C16orf74: variants seen among roughly 807,000 people sequenced by gnomAD.
C16orf74 encodes the protein calcimembrin.
A neutral mutation model predicts 6.5 loss-of-function variants in C16orf74; 10 were observed. The ratio of observed to expected loss-of-function variants is 1.54; its 90% CI spans 0.95 to 2.61. The LOEUF is 2.61. Among genes scored for constraint, C16orf74 ranks in the 30% most tolerant of loss-of-function variants. The pLI is 0.00. For missense variants in C16orf74, 141 were observed against 105.9 expected (o/e 1.33, Z -1.45); for synonymous variants, 60 against 42.5 (o/e 1.41, Z -1.60).
At chr16:85,736,340 C>T (rs747423690) in intron 1 of C16orf74, among the ~76,000 whole-genome samples, 13 of 152,084 alleles carry the variant, frequency 8.5e-5, no homozygotes, top group African/African-American at 2.4e-4. Context: ...ATCAGCAACC[C>T]GGAGGCTGGG....
intron 2 of C16orf74, among the ~76,000 whole-genome samples, chr16:85,711,012 T>C (rs1465306945): frequency 2.0e-5 from 3 of 151,884 alleles, no homozygotes; most frequent in Admixed American, 6.6e-5. Context: ...TAAGTAGGAG[T>C]GCTTTAAATT....
intron 2 of C16orf74, among the ~76,000 whole-genome samples, chr16:85,734,175 G>A (rs2054219841): frequency 6.6e-6 from 1 of 152,198 alleles, no homozygotes; most frequent in South Asian, 2.1e-4. Context: ...ATGGGCTACA[G>A]AGCCTGGTGA....
intron 3 of C16orf74, among the ~76,000 whole-genome samples, chr16:85,708,368 G>A (rs1009611191): frequency 6.6e-6 from 1 of 152,206 alleles, no homozygotes; most frequent in African/African-American, 2.4e-5. Flanking sequence ...AAGGTGGTAT[G>A]ATCCCATTTT....
chr16:85,721,876 G>A (rs1051118308), intron 2 of C16orf74, among the ~76,000 whole-genome samples: 1 of 151,494 alleles, frequency 6.6e-6, no homozygotes, highest in East Asian at 1.9e-4. Context: ...TGTGTGGTCT[G>A]AACAAGTTTC....
intron 2 of C16orf74, among the ~76,000 whole-genome samples, chr16:85,715,474 G>T (rs1186594495): frequency 1.1e-4 from 16 of 152,152 alleles, no homozygotes; most frequent in Admixed American, 1.0e-3. Context: ...ACTGGAATCT[G>T]GCTGACCCCA....
intron 3 of C16orf74, among the ~76,000 whole-genome samples, chr16:85,709,470 G>A (rs979324573): frequency 6.6e-6 from 1 of 151,150 alleles, no homozygotes; most frequent in Non-Finnish European, 1.5e-5. Context: ...TCAGTACAGT[G>A]CTACCTATCA....
intron 1 of C16orf74, chr16:85,743,328 C>T (rs1237992434): frequency 1.3e-5 from 2 of 152,202 alleles, no homozygotes; most frequent in African/African-American, 4.8e-5. Flanking sequence ...GATAGATATC[C>T]AGCTGTTTTC....
chr16:85,750,052 C>G (rs184404120), intron 1 of C16orf74, among the ~76,000 whole-genome samples: 38 of 152,308 alleles, frequency 2.5e-4, no homozygotes, highest in African/African-American at 8.7e-4. Flanking sequence ...TGGGTGGGGT[C>G]TAGGCAGGAA....
At chr16:85,709,413 T>A (rs999803667) in intron 3 of C16orf74, among the ~76,000 whole-genome samples, 1 of 152,082 alleles carries the variant, frequency 6.6e-6, no homozygotes, top group African/African-American at 2.4e-5. Context: ...AACTCTGAAC[T>A]CTGAGAATTC....
chr16:85,730,165 A>G (rs1347862041), intron 2 of C16orf74, among the ~76,000 whole-genome samples: 1 of 152,104 alleles, frequency 6.6e-6, no homozygotes, highest in Admixed American at 6.6e-5. Context: ...GGGTGAGATG[A>G]AGCCCGCAGG....
At chr16:85,744,478 A>G (rs577748184) in intron 1 of C16orf74, among the ~76,000 whole-genome samples, 8 of 152,024 alleles carry the variant, frequency 5.3e-5, no homozygotes, top group Non-Finnish European at 7.4e-5. Flanking sequence ...CAGATTGTTA[A>G]TTATTTGCAC....
intron 2 of C16orf74, among the ~76,000 whole-genome samples, chr16:85,712,766 T>G (rs1460471701): frequency 6.6e-6 from 1 of 152,210 alleles, no homozygotes; most frequent in Admixed American, 6.5e-5. Flanking sequence ...AATTTAATCT[T>G]GCCTAAAAAG....
intron 2 of C16orf74, among the ~76,000 whole-genome samples, chr16:85,722,920 A>G (rs1040368066): frequency 3.3e-5 from 5 of 152,336 alleles, no homozygotes; most frequent in East Asian, 1.9e-4. Flanking sequence ...TATCCCGCCC[A>G]GCTCATCCTG....
chr16:85,735,263 G>T, intron 1 of C16orf74, 28 bp from the exon 2 acceptor site: 3 of 1,534,474 alleles, frequency 2.0e-6, no homozygotes, highest in Non-Finnish European at 2.6e-6. Context: ...CGCTGAGAGA[G>T]GGGAGGGCGC....
At chr16:85,718,992 A>C (rs1242739579) in intron 2 of C16orf74, among the ~76,000 whole-genome samples, 1 of 152,164 alleles carries the variant, frequency 6.6e-6, no homozygotes, top group South Asian at 2.1e-4. Context: ...TTGGGGCACA[A>C]TTTTCCCTTA....
At chr16:85,728,080 G>C (rs147716047) in intron 2 of C16orf74, among the ~76,000 whole-genome samples, 17 of 152,178 alleles carry the variant, frequency 1.1e-4, no homozygotes, top group Admixed American at 2.0e-4. Flanking sequence ...CAAGGCTGCA[G>C]TGACTTGTGA....
chr16:85,743,069 G>A (rs763900937), intron 1 of C16orf74, among the ~76,000 whole-genome samples: 1 of 152,166 alleles, frequency 6.6e-6, no homozygotes, highest in East Asian at 1.9e-4. Flanking sequence ...GGCCTGTTGT[G>A]TTGGGGGTGA....
At chr16:85,710,428 C>T in intron 2 of C16orf74, 121 bp from the exon 3 acceptor site, 3 of 903,944 alleles carry the variant, frequency 3.3e-6, no homozygotes, top group Non-Finnish European at 4.7e-6. Flanking sequence ...TGACGCCTCG[C>T]AGCAAGGAGC....
rs577870177 is a variant in C16orf74 at position 85,724,152 on chromosome 16, A to G, written c.28+11038T>C. On this transcript the variant is annotated intron_variant, in intron 2 of 3. Transcript: ENST00000284245. Reference sequence around the variant, plus strand: ...AGCAATCCTCCTGCCTTGGCCTCCCAAAGTGCTGGGATTACAAGTGTGTGC... The same window carrying G: ...AGCAATCCTCCTGCCTTGGCCTCCCGAAGTGCTGGGATTACAAGTGTGTGC... Among the ~76,000 whole-genome samples the G allele has an allele frequency of 9.9e-5, 15 of 152,232 alleles. No individual in the cohort carries two copies. In the South Asian group the frequency reaches 1.2e-3, roughly 13 times the overall value.
Sources: allele counts gnomAD v4.1 joint callset (sites outside exome capture counted in the v4.1 genomes callset), GRCh38; gene constraint gnomAD v4.1.1; transcripts MANE v1.5; gene names NCBI Gene and HGNC (gene_info 2026-07-23, HGNC 2026-07-21).